The following FARSB variants were observed in gnomAD, a reference collection of about 807,000 sequenced individuals.
FARSB encodes phenylalanyl-tRNA synthetase subunit beta.
In FARSB, 40 loss-of-function variants were observed where a neutral mutation model predicts 69.6. The observed-to-expected ratio is 0.57, with a 90% CI of 0.45 to 0.75. FARSB has a LOEUF of 0.75. FARSB is among the 30% of genes least tolerant of loss of function. The pLI is 0.00. For synonymous variants in FARSB, 235 were observed against 247.2 expected (o/e 0.95, Z 0.46); for missense variants, 632 against 722.9 (o/e 0.87, Z 1.44).
rs564396446 is a variant in FARSB, at chr2:222,629,037, C to A, written c.849-149G>T. On this transcript the variant is annotated intron_variant, in intron 9 of 16. Transcript: ENST00000281828. ...GCATTCCAGCACTGTTTGGATTGAT[C>A]TTGCTATAAACAATAATACTCTACT... The A allele has an allele frequency of 2.0e-4, 124 of 624,948 alleles. No individual in the cohort carries two copies. The African/African-American group carries it at 2.1e-3, about 11-fold the overall frequency. 38.7% of individuals were successfully genotyped at this position (624,948 alleles called of 1,614,324 possible). A position where few individuals can be genotyped will look rare whatever the true frequency, so the allele number is the denominator to read the frequency against.
At chr2:222,621,599 G>C (rs1291809069) in intron 13 of FARSB, among the ~76,000 whole-genome samples, 1 of 152,168 alleles carries the variant, frequency 6.6e-6, no homozygotes, top group African/African-American at 2.4e-5. Flanking sequence ...GAACCTTATA[G>C]TTTTTACAGA....
intron 5 of FARSB, among the ~76,000 whole-genome samples, chr2:222,636,654 A>G (rs2106232841): frequency 6.6e-6 from 1 of 152,332 alleles, no homozygotes; most frequent in East Asian, 1.9e-4. Flanking sequence ...TATCTAACAT[A>G]ATGGTAAAAA....
intron 6 of FARSB, 30 bp from the exon 7 acceptor site, chr2:222,633,337 G>GTTT (rs76757037): frequency 6.8e-6 from 6 of 883,124 alleles, no homozygotes; most frequent in South Asian, 1.7e-5. Context: ...AATAAAATTA[G>GTTT]TTTTTTTTTT....
intron 16 of FARSB, among the ~76,000 whole-genome samples, chr2:222,584,223 A>C (rs944695792): frequency 1.6e-4 from 25 of 152,270 alleles, no homozygotes; most frequent in African/African-American, 5.1e-4. Flanking sequence ...GAAAAAAAAA[A>C]TTTTGCATAC....
At chr2:222,590,103 T>C (rs1169340666) in intron 16 of FARSB, among the ~76,000 whole-genome samples, 1 of 152,080 alleles carries the variant, frequency 6.6e-6, no homozygotes, top group Non-Finnish European at 1.5e-5. Context: ...TAGCAAAGAC[T>C]TGGAACCAAC....
In FARSB at chr2:222,627,464, G is replaced by A. The variant is rs146824110; in HGVS notation, c.900+1373C>T. On this transcript the variant is annotated intron_variant, in intron 10 of 16. Coordinates refer to ENST00000281828, the MANE Select transcript of FARSB (RefSeq NM_005687.5). ...AGATCATCCAGTTGCTAGCCAACCAGTCAACTGACTACATATGGGTAAGCC... is the reference window on the plus strand; with the variant it reads ...AGATCATCCAGTTGCTAGCCAACCAATCAACTGACTACATATGGGTAAGCC... Among the ~76,000 whole-genome samples, 496 of 152,302 alleles carry A rather than the reference G, an allele frequency of 3.3e-3. 1 individual carries two copies. Among genetic ancestry groups the A allele is most frequent in the African/African-American group, 0.01 (429 of 41,570 alleles).
intron 16 of FARSB, 43 bp from the exon 17 acceptor site, chr2:222,572,065 C>T (rs770904791): frequency 6.4e-7 from 1 of 1,571,740 alleles, no homozygotes; most frequent in South Asian, 1.1e-5. Context: ...TTTCTTCTGG[C>T]AAAACATCAA....
At chr2:222,619,109 T>C (rs1041435729) in intron 14 of FARSB, among the ~76,000 whole-genome samples, 1 of 150,366 alleles carries the variant, frequency 6.7e-6, no homozygotes, top group Non-Finnish European at 1.5e-5. Context: ...GCCACTGCAC[T>C]CCAGCCTGGG....
intron 15 of FARSB, among the ~76,000 whole-genome samples, chr2:222,613,522 G>A (rs1473275643): frequency 6.6e-6 from 1 of 152,204 alleles, no homozygotes; most frequent in Non-Finnish European, 1.5e-5. Context: ...TCCAGCCTGG[G>A]TGAAGAGTGA....
chr2:222,599,600 G>C (rs1690508321), intron 16 of FARSB, among the ~76,000 whole-genome samples: 2 of 152,152 alleles, frequency 1.3e-5, no homozygotes, highest in Non-Finnish European at 2.9e-5. Context: ...CCAGCTTCCA[G>C]TTAAAACTTC....
At chr2:222,648,908 A>G in intron 1 of FARSB, 113 bp from the exon 2 acceptor site, 3 of 760,972 alleles carry the variant, frequency 3.9e-6, no homozygotes, top group Non-Finnish European at 7.2e-6. Context: ...ATACTACTAA[A>G]TATCAGGCAT....
At chr2:222,593,106 A>G (rs1690320515) in intron 16 of FARSB, among the ~76,000 whole-genome samples, 5 of 152,152 alleles carry the variant, frequency 3.3e-5, no homozygotes, top group Admixed American at 6.5e-5. Context: ...TACCCTGCAG[A>G]TAAGAGGAGA....
At chr2:222,609,702 G>A (rs1690794200) in intron 15 of FARSB, among the ~76,000 whole-genome samples, 1 of 152,182 alleles carries the variant, frequency 6.6e-6, no homozygotes, top group South Asian at 2.1e-4. Context: ...TGTGCCTGAT[G>A]CAGTCTCTAA....
At chr2:222,598,885 T>G (rs2106196536) in intron 16 of FARSB, among the ~76,000 whole-genome samples, 1 of 152,142 alleles carries the variant, frequency 6.6e-6, no homozygotes, top group Middle Eastern at 3.4e-3. Context: ...ATTTTATTAT[T>G]TCTCATGGAA....
chr2:222,648,347 G>C (rs1391960485), intron 2 of FARSB, among the ~76,000 whole-genome samples: 1 of 152,208 alleles, frequency 6.6e-6, no homozygotes, highest in Non-Finnish European at 1.5e-5. Context: ...TGGGGGCAGA[G>C]GAGCTGAAGG....
At chr2:222,633,329 T>C in intron 6 of FARSB, 22 bp from the exon 7 acceptor site, 12 of 1,181,914 alleles carry the variant, frequency 1.0e-5, no homozygotes, top group Non-Finnish European at 7.4e-6. Context: ...TTAAGTCAAA[T>C]AAAATTAGTT....
At chr2:222,612,106 G>A (rs1446800111) in intron 15 of FARSB, among the ~76,000 whole-genome samples, 2 of 152,150 alleles carry the variant, frequency 1.3e-5, no homozygotes, top group Non-Finnish European at 2.9e-5. Flanking sequence ...AGAAAAATTT[G>A]ACAATGGAAT....
At chr2:222,604,589 C>CCAGTA in intron 15 of FARSB, among the ~76,000 whole-genome samples, 1 of 152,268 alleles carries the variant, frequency 6.6e-6, no homozygotes, top group Non-Finnish European at 1.5e-5. Context: ...GGGTCTCACT[C>CCAGTA]CAGTAGCCCA....
intron 2 of FARSB, among the ~76,000 whole-genome samples, chr2:222,643,624 A>G (rs1193502605): frequency 2.0e-5 from 3 of 152,226 alleles, no homozygotes; most frequent in Non-Finnish European, 2.9e-5. Flanking sequence ...TGGGCACCCA[A>G]GTCCACATGA....
Sources: allele counts gnomAD v4.1 joint callset (sites outside exome capture counted in the v4.1 genomes callset), GRCh38; gene constraint gnomAD v4.1.1; transcripts MANE v1.5; gene names NCBI Gene and HGNC (gene_info 2026-07-23, HGNC 2026-07-21).